The following TYW1B variants were observed in gnomAD, a reference collection of about 807,000 sequenced individuals.
TYW1B encodes the protein S-adenosyl-L-methionine-dependent tRNA 4-demethylwyosine synthase TYW1B.
A neutral mutation model predicts 86.9 loss-of-function variants in TYW1B; 73 were observed. That is an observed-to-expected ratio of 0.84 (90% confidence interval 0.70 to 1.02). The LOEUF (loss-of-function observed/expected upper bound fraction) is 1.02. TYW1B is among the 50% of genes least tolerant of loss of function. TYW1B has a pLI of 0.00. For missense variants in TYW1B, 637 were observed against 827.4 expected, an observed-to-expected ratio of 0.77 and a Z score of 2.82; for synonymous variants, 248 against 292.8, an observed-to-expected ratio of 0.85 and a Z score of 1.56.
Position 72,706,582 on chromosome 7 carries a change from T to C in TYW1B, c.1370+7039A>G, listed in dbSNP as rs527626773. ...TCCATTGTTCTGGGACTATGTGGCCTCTCAGTCTACCTTTATTTCACTTTT... is the reference window on the plus strand; with the variant it reads ...TCCATTGTTCTGGGACTATGTGGCCCCTCAGTCTACCTTTATTTCACTTTT... On this transcript the variant is annotated intron_variant, in intron 10 of 13. Coordinates refer to ENST00000620995, the MANE Select transcript of TYW1B (RefSeq NM_001145440.3). Among the ~76,000 whole-genome samples, 180 of 152,304 alleles carry C rather than the reference T, an allele frequency of 1.2e-3. 1 individual carries two copies. The highest frequency in any genetic ancestry group is 4.1e-3 in the African/African-American group (171 of 41,570).
At chr7:72,647,049 A>T (rs1365073139) in intron 11 of TYW1B, among the ~76,000 whole-genome samples, 1 of 152,212 alleles carries the variant, frequency 6.6e-6, no homozygotes, top group African/African-American at 2.4e-5. Flanking sequence ...TTCAAGACAT[A>T]CTGTAGTTGA....
intron 2 of TYW1B, among the ~76,000 whole-genome samples, chr7:72,815,729 C>G (rs1371237481): frequency 6.6e-6 from 1 of 152,138 alleles, no homozygotes; most frequent in Non-Finnish European, 1.5e-5. Context: ...GATGATCAAT[C>G]TGCCTTGCCC....
Position 72,814,538 on chromosome 7 carries a change from C to T in TYW1B, c.237+842G>A, listed in dbSNP as rs184175398. On this transcript the variant is annotated intron_variant, in intron 3 of 13. Coordinates refer to ENST00000620995, the MANE Select transcript of TYW1B (RefSeq NM_001145440.3). ...GGCGGAGCTTGCAGTGAGCCGAGAT[C>T]GCGCCACTGCACTCCAGCCTGGGTG... is the stretch of plus-strand genomic sequence containing the variant. Among the ~76,000 whole-genome samples the T allele has an allele frequency of 3.6e-4, 54 of 151,816 alleles. 1 individual carries two copies. The East Asian group carries it at 8.2e-3, about 23-fold the overall frequency.
chr7:72,597,885 A>C (rs1225456829), intron 13 of TYW1B, among the ~76,000 whole-genome samples: 1 of 152,044 alleles, frequency 6.6e-6, no homozygotes, highest in Non-Finnish European at 1.5e-5. Context: ...AACTTCAGGG[A>C]AAAGAAAGAA....
At chr7:72,647,927 C>A (rs1448568535) in intron 11 of TYW1B, among the ~76,000 whole-genome samples, 7 of 152,070 alleles carry the variant, frequency 4.6e-5, no homozygotes, top group Non-Finnish European at 7.4e-5. Context: ...CTCAAGTGAT[C>A]CACCCACCTC....
intron 7 of TYW1B, among the ~76,000 whole-genome samples, chr7:72,776,004 C>T (rs1787947760): frequency 6.6e-6 from 1 of 152,002 alleles, no homozygotes; most frequent in African/African-American, 2.4e-5. Context: ...GTAAAACACT[C>T]AGTGTGGTGG....
At chr7:72,630,017 G>A (rs1416710035) in intron 11 of TYW1B, among the ~76,000 whole-genome samples, 4 of 152,298 alleles carry the variant, frequency 2.6e-5, no homozygotes, top group African/African-American at 9.6e-5. Flanking sequence ...GGTGGCTCAT[G>A]CCTGTAATCC....
chr7:72,632,293 ATATATACGTG>A (rs1812514760), intron 11 of TYW1B, among the ~76,000 whole-genome samples: 1 of 111,734 alleles, frequency 8.9e-6, no homozygotes, highest in African/African-American at 4.5e-5. Context: ...GTGTATATAT[ATATATACGTG>A]TATATATATT....
At chr7:72,753,012 A>G (rs1453273480) in intron 7 of TYW1B, among the ~76,000 whole-genome samples, 1 of 151,864 alleles carries the variant, frequency 6.6e-6, no homozygotes, top group Non-Finnish European at 1.5e-5. Flanking sequence ...AAGTAAAACA[A>G]CTCCTACTTT....
chr7:72,730,497 T>C lies in TYW1B; in HGVS notation c.1083-1566A>G, dbSNP rs183645111. 2.4e-3 allele frequency among the ~76,000 whole-genome samples: 339 copies of C among 139,246 alleles called. 1 individual carries two copies. Among genetic ancestry groups the C allele is most frequent in the Admixed American group, 6.6e-3 (86 of 13,062 alleles). The allele number at this position is 139,246 out of a possible 152,430, so 91.4% of individuals were successfully genotyped here. A position where few individuals can be genotyped will look rare whatever the true frequency, so the allele number is the denominator to read the frequency against. The stretch of plus-strand genomic sequence containing the variant: ...AAGGAGAACAAACAATGTCTGAATT[T>C]GAAGACAGGACTTTTGAAATGACCC... On this transcript the variant is annotated intron_variant, in intron 8 of 13. Transcript: ENST00000620995.
In TYW1B at chr7:72,634,179, C is replaced by CT. The variant is rs573387096; in HGVS notation, c.1507-5183dup. On this transcript the variant is annotated intron_variant, in intron 11 of 13. Coordinates refer to ENST00000620995, the MANE Select transcript of TYW1B (RefSeq NM_001145440.3). The stretch of plus-strand genomic sequence containing the variant: ...ATCTCTCTCTCCCTCTCCCCACCTC[C>CT]TTTTTTTTTTCTGGCTTGAGATAGG... 6.4e-3 allele frequency among the ~76,000 whole-genome samples: 948 copies of CT among 149,084 alleles called. 7 individuals are homozygous for CT. The highest frequency in any genetic ancestry group is 0.022 in the African/African-American group (889 of 40,654).
Position 72,815,436 on chromosome 7 carries a change from G to A in TYW1B, c.181C>T (p.Pro61Ser). Reference sequence around the variant, plus strand: ...TCTTTTAGATTAATAATGGCCACAGGCAGATCCAGGGACGTAACTGCTTCA... The same window carrying A: ...TCTTTTAGATTAATAATGGCCACAGACAGATCCAGGGACGTAACTGCTTCA... ...LAEAVTSLDL[P>S]VAIINLKEYD... Residue 61 changes from proline to serine, a missense_variant, in exon 3 of 14, where the codon CCT becomes TCT. Physicochemically the swap from Pro to Ser is moderately conservative, Grantham distance 74. Coordinates refer to ENST00000620995, the MANE Select transcript of TYW1B (RefSeq NM_001145440.3). 1.2e-6 allele frequency: 2 copies of A among 1,610,308 alleles called. No individual in the cohort carries two copies. The highest frequency in any genetic ancestry group is 1.1e-5 in the South Asian group (1 of 89,648).
At chr7:72,608,258 G>A (rs1179670512) in intron 13 of TYW1B, among the ~76,000 whole-genome samples, 1 of 152,198 alleles carries the variant, frequency 6.6e-6, no homozygotes, top group Non-Finnish European at 1.5e-5. Context: ...AACAGAAGGA[G>A]TAAGAATATG....
chr7:72,774,382 A>G (rs1554255472), intron 7 of TYW1B, among the ~76,000 whole-genome samples: 7,440 of 25,198 alleles, frequency 0.3, 371 homozygotes, highest in East Asian at 0.5. Flanking sequence ...GTCCCAGGGG[A>G]AAAAAAAAAA....
chr7:72,620,656 G>C (rs558406422), intron 12 of TYW1B, among the ~76,000 whole-genome samples: 71 of 152,196 alleles, frequency 4.7e-4, no homozygotes, highest in South Asian at 8.3e-4. Flanking sequence ...CTGATGGCTT[G>C]CCCTGACTTT....
At chr7:72,716,287 C>A (rs1382773672) in intron 9 of TYW1B, among the ~76,000 whole-genome samples, 2 of 152,168 alleles carry the variant, frequency 1.3e-5, no homozygotes, top group African/African-American at 2.4e-5. Flanking sequence ...ATGGTAAGTA[C>A]CTTGAAGAAT....
rs574450316 is a variant in TYW1B, at chr7:72,825,336, T to G, written c.135+1519A>C. 3.2e-4 allele frequency among the ~76,000 whole-genome samples: 48 copies of G among 152,304 alleles called. No individual in the cohort carries two copies. In the South Asian group the frequency reaches 6.4e-3, roughly 20 times the overall value. Reference sequence around the variant, plus strand: ...GCTGTATTTACTTTAGTGTCTACCTTTAACACTTTTAGCACTATTAGAAAT... The same window carrying G: ...GCTGTATTTACTTTAGTGTCTACCTGTAACACTTTTAGCACTATTAGAAAT... On this transcript the variant is annotated intron_variant, in intron 2 of 13. Coordinates refer to ENST00000620995, the MANE Select transcript of TYW1B (RefSeq NM_001145440.3).
Position 72,807,375 on chromosome 7 carries a change from T to C in TYW1B, c.433-19A>G. ...TGCCAACCTGCGAGGAAAAGATAGA[T>C]AGGCTAAAAGCACGGTTCTCTAAAT... On this transcript the variant is annotated intron_variant, in intron 4 of 13. Transcript: ENST00000620995. 1 of 1,608,196 alleles carries C rather than the reference T, an allele frequency of 6.2e-7. No homozygotes were observed.
chr7:72,652,241 G>A (rs1350783922), intron 11 of TYW1B, among the ~76,000 whole-genome samples: 2 of 151,830 alleles, frequency 1.3e-5, no homozygotes, highest in Non-Finnish European at 2.9e-5. Flanking sequence ...AGCTGGGTGT[G>A]GTGGCAGGCG....
Sources: gnomAD v4.1 joint callset for allele counts (sites outside exome capture counted in the v4.1 genomes callset) on GRCh38, gnomAD v4.1.1 for gene constraint, MANE v1.5 for transcripts, NCBI Gene and HGNC (gene_info 2026-07-23, HGNC 2026-07-21) for gene names.